CYP3A43: variants seen among roughly 807,000 people sequenced by gnomAD.
CYP3A43 encodes the protein cytochrome P450 family 3 subfamily A member 43, also known as cytochrome P450 3A43.
Under a neutral mutation model 58.0 loss-of-function variants are expected in CYP3A43, and 45 were observed. The observed-to-expected ratio is 0.78, with a 90% confidence interval of 0.61 to 0.99. CYP3A43 has a LOEUF of 0.99. Among genes scored for constraint, CYP3A43 ranks in the 50% least tolerant of loss-of-function variants. The pLI is 0.00. For missense variants in CYP3A43, 593 were observed against 591.9 expected (o/e 1.00, Z -0.02); for synonymous variants, 191 against 201.4 (o/e 0.95, Z 0.44).
intron 12 of CYP3A43, 31 bp from the exon 13 acceptor site, chr7:99,865,875 G>T: frequency 6.9e-7 from 1 of 1,444,710 alleles, no homozygotes; most frequent in Admixed American, 2.0e-5. Context: ...TTGCTTCATT[G>T]TTTCTGAATA....
chr7:99,856,895 T>C lies in CYP3A43; in HGVS notation c.861T>C (p.His287=). 3 of 1,613,770 alleles carry C rather than the reference T, an allele frequency of 1.9e-6. No individual in the cohort carries two copies. In the South Asian group the frequency reaches 3.3e-5, roughly 18 times the overall value. Residue 287 remains histidine (H), a synonymous_variant, in exon 9 of 13, where the codon CAT becomes CAC. Coordinates refer to ENST00000354829, the MANE Select transcript of CYP3A43 (RefSeq NM_057095.3). ...DSQNSKETKS[H]KALSDLELVA... Reference sequence around the variant, plus strand: ...AGAATTCCAAAGAAACAAAGTCCCATAAAGGTAACCAAGAACTGCATCTGG... The same window carrying C: ...AGAATTCCAAAGAAACAAAGTCCCACAAAGGTAACCAAGAACTGCATCTGG...
In CYP3A43 at chr7:99,851,769, A is replaced by G. The variant is rs139358224; in HGVS notation, c.670+2075A>G. On this transcript the variant is annotated intron_variant, in intron 7 of 12. Coordinates refer to ENST00000354829, the MANE Select transcript of CYP3A43 (RefSeq NM_057095.3). Reference sequence around the variant, plus strand: ...GTTCTTTGAACTTTATCTTCTTTGAACTGTATCTTCTTTGAACTTCTTTGA... The same window carrying G: ...GTTCTTTGAACTTTATCTTCTTTGAGCTGTATCTTCTTTGAACTTCTTTGA... Among the ~76,000 whole-genome samples the G allele has an allele frequency of 3.2e-3, 482 of 152,232 alleles. 3 individuals carry two copies. The highest frequency in any genetic ancestry group is 0.01 in the African/African-American group (420 of 41,540).
intron 12 of CYP3A43, 120 bp downstream of exon 12, chr7:99,863,819 T>A: frequency 1.2e-6 from 1 of 824,922 alleles, no homozygotes; most frequent in Non-Finnish European, 1.8e-6. Flanking sequence ...AGAATCTAAT[T>A]GGAGCTATCC....
intron 7 of CYP3A43, among the ~76,000 whole-genome samples, chr7:99,855,077 G>T (rs183524727): frequency 6.6e-6 from 1 of 151,842 alleles, no homozygotes; most frequent in Admixed American, 6.6e-5. Context: ...ATGGGGTTCC[G>T]CCATGTTGGT....
intron 1 of CYP3A43, among the ~76,000 whole-genome samples, chr7:99,831,116 G>A (rs1363133038): frequency 6.6e-6 from 1 of 152,242 alleles, no homozygotes; most frequent in East Asian, 1.9e-4. Flanking sequence ...TATTTTCGAT[G>A]TGTGAGTAGG....
At chr7:99,852,716 T>A (rs1485723795) in intron 7 of CYP3A43, among the ~76,000 whole-genome samples, 1 of 152,212 alleles carries the variant, frequency 6.6e-6, no homozygotes, top group Non-Finnish European at 1.5e-5. Flanking sequence ...GGTATCCTTG[T>A]CTCATTCATG....
chr7:99,863,723 A>G, intron 12 of CYP3A43, 24 bp downstream of exon 12: 1 of 1,513,162 alleles, frequency 6.6e-7, no homozygotes, highest in South Asian at 1.4e-5. Flanking sequence ...CTTATAAATA[A>G]TGTTTATTGG....
At chr7:99,849,798 T>G (rs1817679772) in intron 7 of CYP3A43, 104 bp downstream of exon 7, 1 of 1,138,968 alleles carries the variant, frequency 8.8e-7, no homozygotes, top group Non-Finnish European at 1.2e-6. Context: ...ATTCACCTAC[T>G]TAAAATGTAT....
At chr7:99,850,918 C>T (rs1412074675) in intron 7 of CYP3A43, among the ~76,000 whole-genome samples, 4 of 151,452 alleles carry the variant, frequency 2.6e-5, no homozygotes, top group African/African-American at 4.9e-5. Context: ...CCTGTAATCC[C>T]AGCACTTTGG....
rs680055 is a variant in CYP3A43, at chr7:99,859,982, C to A, written c.1018C>A (p.Pro340Thr). 6.2e-7 allele frequency: 1 copy of A among 1,601,830 alleles called. No homozygotes were observed. Among genetic ancestry groups the A allele is most frequent in the Non-Finnish European group, 8.5e-7 (1 of 1,174,358 alleles). Residue 340 changes from proline (P) to threonine (T), a missense_variant, in exon 10 of 13, where the codon CCC becomes ACC. By Grantham distance (38) the Pro-to-Thr change is conservative (BLOSUM62 -1). Transcript: ENST00000354829. ...GCAGGAGGAGATTGACGCAGTTTTA[C>A]CCAATAAGGTAAGGGGATGATCCCC... ...KLQEEIDAVL[P>T]NKAPVTYDAL...
chr7:99,848,064 T>C, intron 5 of CYP3A43, 102 bp from the exon 6 acceptor site: 1 of 1,133,726 alleles, frequency 8.8e-7, no homozygotes, highest in East Asian at 2.5e-5. Context: ...GAGGACATGG[T>C]GAGTCATTAC....
rs776398865 is a variant in CYP3A43 at position 99,865,943 on chromosome 7, C to G, written c.1454C>G (p.Pro485Arg). ...TTAGACAATCTACCAATTCTTCAAC[C>G]AGAAAAACCTATTGTTCTAAAAGTG... ...LKLDNLPILQ[P>R]EKPIVLKVHL... The change falls in exon 13 of 13, where the codon CCA becomes CGA. Residue 485 changes from proline (P) to arginine (R), a missense_variant. Transcript: ENST00000354829. 1 of 1,608,452 alleles carries G rather than the reference C, an allele frequency of 6.2e-7. No homozygotes were observed. Among genetic ancestry groups the G allele is most frequent in the East Asian group, 2.2e-5 (1 of 44,692 alleles).
intron 3 of CYP3A43, among the ~76,000 whole-genome samples, chr7:99,842,127 C>A (rs147830755): frequency 1.3e-5 from 2 of 152,294 alleles, no homozygotes; most frequent in African/African-American, 2.4e-5. Context: ...ATGGTCATGT[C>A]TATCCTTAAA....
At chr7:99,842,346 C>G (rs986497755) in intron 3 of CYP3A43, among the ~76,000 whole-genome samples, 1 of 152,244 alleles carries the variant, frequency 6.6e-6, no homozygotes, top group Non-Finnish European at 1.5e-5. Flanking sequence ...TGAGGAACTT[C>G]CCATGCTTAT....
At chr7:99,838,761 C>T in intron 2 of CYP3A43, 2 of 937,640 alleles carry the variant, frequency 2.1e-6, no homozygotes, top group South Asian at 1.4e-5. Context: ...AGGAGGATCA[C>T]CTAAGGTCAG....
At chr7:99,863,810 GA>G in intron 12 of CYP3A43, 111 bp downstream of exon 12, 1 of 893,486 alleles carries the variant, frequency 1.1e-6, no homozygotes, top group Non-Finnish European at 1.6e-6. Flanking sequence ...GTAGGACAAA[GA>G]ATCTAATTGG....
At chr7:99,840,698 A>G (rs2151597925) in intron 3 of CYP3A43, among the ~76,000 whole-genome samples, 1 of 152,254 alleles carries the variant, frequency 6.6e-6, no homozygotes, top group Admixed American at 6.5e-5. Flanking sequence ...CCTCTTTGGA[A>G]AAACACAGGT....
rs751352157 is a variant in CYP3A43 at position 99,828,182 on chromosome 7, T to C, written c.67T>C (p.Tyr23His). Residue 23 changes from tyrosine (Y) to histidine (H), a missense_variant, in exon 1 of 13, where the codon TAT becomes CAT. Physicochemically the swap from Tyr to His is moderately conservative, Grantham distance 83 (BLOSUM62 2). Coordinates refer to ENST00000354829, the MANE Select transcript of CYP3A43 (RefSeq NM_057095.3). Reference protein sequence around the residue: ...VLVATSLVLLYIYGTHSHKLF... With the variant: ...VLVATSLVLLHIYGTHSHKLF... Reference sequence around the variant, plus strand: ...TGTGGCTACCAGCCTGGTACTCCTCTATATGTGAGTAACTATGCAGGCATG... The same window carrying C: ...TGTGGCTACCAGCCTGGTACTCCTCCATATGTGAGTAACTATGCAGGCATG... The C allele has an allele frequency of 7.5e-6, 12 of 1,608,690 alleles. No homozygotes were observed. The highest frequency in any genetic ancestry group is 9.3e-6 in the Non-Finnish European group (11 of 1,176,948).
At chr7:99,843,015 A>C (rs938868984) in intron 3 of CYP3A43, among the ~76,000 whole-genome samples, 1 of 152,176 alleles carries the variant, frequency 6.6e-6, no homozygotes, top group Admixed American at 6.5e-5. Flanking sequence ...ACCCAATCCA[A>C]GTTGAATGCG....
Sources: allele counts gnomAD v4.1 joint callset (sites outside exome capture counted in the v4.1 genomes callset), GRCh38; gene constraint gnomAD v4.1.1; transcripts MANE v1.5; gene names NCBI Gene and HGNC (gene_info 2026-07-23, HGNC 2026-07-21).